Variants in DDX46 observed in about 807,000 individuals in gnomAD.
DDX46 encodes probable ATP-dependent RNA helicase DDX46.
DDX46 carries 30 observed loss-of-function variants against 134.9 expected under a neutral mutation model. The observed-to-expected ratio is 0.22, with a 90% CI of 0.17 to 0.30. The LOEUF (loss-of-function observed/expected upper bound fraction) is 0.30, where lower values mean the gene tolerates loss of function less well. Among genes scored for constraint, DDX46 ranks in the 10% least tolerant of loss-of-function variants. The pLI, the probability that DDX46 is intolerant of heterozygous loss-of-function variation, is 1.00. For missense variants in DDX46, 622 were observed against 1,248.7 expected (o/e 0.50, Z 7.56); for synonymous variants, 415 against 404.1 (o/e 1.03, Z -0.32).
At chr5:134,773,083 A>G (rs57912797) in intron 4 of DDX46, among the ~76,000 whole-genome samples, 2,423 of 152,024 alleles carry the variant, frequency 0.016, 81 homozygotes, top group African/African-American at 0.055. Context: ...TACAGGTGTA[A>G]GCCACCATGC....
intron 3 of DDX46, among the ~76,000 whole-genome samples, chr5:134,767,950 C>CAA (rs944000653): frequency 2.0e-4 from 23 of 114,902 alleles, no homozygotes; most frequent in African/African-American, 7.6e-4. Flanking sequence ...AACTCCTTCT[C>CAA]AAAAAAAAAA....
intron 6 of DDX46, 71 bp from the exon 7 acceptor site, chr5:134,781,062 T>G: frequency 9.5e-7 from 1 of 1,050,264 alleles, no homozygotes; most frequent in Non-Finnish European, 1.4e-6. Context: ...TGTCAGTTAC[T>G]GTGTGCTTCA....
chr5:134,773,376 T>C (rs1011770916), intron 4 of DDX46, among the ~76,000 whole-genome samples: 3 of 152,238 alleles, frequency 2.0e-5, no homozygotes, highest in Non-Finnish European at 2.9e-5. Context: ...TTACTTTAGT[T>C]TCTGTTGTTA....
chr5:134,817,432 G>A (rs1343456808), intron 19 of DDX46, 64 bp from the exon 20 acceptor site: 4 of 1,469,106 alleles, frequency 2.7e-6, no homozygotes, highest in Non-Finnish European at 3.7e-6. Context: ...AATAATTTGT[G>A]GTGTGGTCCC....
chr5:134,826,712 C>G, intron 21 of DDX46: 5 of 411,602 alleles, frequency 1.2e-5, no homozygotes, highest in Non-Finnish European at 2.2e-5. Flanking sequence ...ACTAGGAACT[C>G]TTAACACATA....
At chr5:134,812,840 A>G (rs538474897) in intron 18 of DDX46, among the ~76,000 whole-genome samples, 5 of 151,796 alleles carry the variant, frequency 3.3e-5, no homozygotes, top group Non-Finnish European at 5.9e-5. Context: ...GTTTCACCAT[A>G]TTGGCCAGGT....
chr5:134,763,749 A>G (rs1307359139), intron 1 of DDX46, among the ~76,000 whole-genome samples, 155 bp from the exon 2 acceptor site: 1 of 152,212 alleles, frequency 6.6e-6, no homozygotes, highest in East Asian at 1.9e-4. Context: ...CTGAAGCAGA[A>G]GGGTTCATTT....
chr5:134,829,930 A>AAATAAATAAATC lies in DDX46; in HGVS notation c.*1235_*1236insCAATAAATAAAT, dbSNP rs1487282839. On this transcript the variant is annotated 3_prime_UTR_variant, in exon 23 of 23. Coordinates refer to ENST00000452510, the MANE Select transcript of DDX46 (RefSeq NM_001300860.2). Reference sequence around the variant, plus strand: ...GGGCGACAGAGTGAGACTATCTCAAAAATAAATAAATAAATAAATAAATAG... The same window carrying AAATAAATAAATC: ...GGGCGACAGAGTGAGACTATCTCAAAAATAAATAAATCAATAAATAAATAAATAAATAAATAG... 1.6e-5 allele frequency: 1 copy of AAATAAATAAATC among 61,232 alleles called. No homozygotes were observed. The highest frequency in any genetic ancestry group is 1.3e-4 in the African/African-American group (1 of 7,640). 3.8% of individuals were successfully genotyped at this position (61,232 alleles called of 1,614,324 possible).
At chr5:134,777,359 A>C (rs1019032431) in intron 5 of DDX46, among the ~76,000 whole-genome samples, 4 of 152,176 alleles carry the variant, frequency 2.6e-5, no homozygotes, top group African/African-American at 9.7e-5. Flanking sequence ...ATTCATATTT[A>C]TTTTGTCATT....
intron 12 of DDX46, among the ~76,000 whole-genome samples, 190 bp downstream of exon 12, chr5:134,788,781 G>A (rs1754418537): frequency 6.6e-6 from 1 of 151,806 alleles, no homozygotes. Context: ...CCCGGGAGGC[G>A]GAGCTTGCAG....
intron 18 of DDX46, among the ~76,000 whole-genome samples, chr5:134,814,967 TG>T (rs1336950465): frequency 1.3e-5 from 2 of 151,830 alleles, no homozygotes; most frequent in African/African-American, 4.8e-5. Flanking sequence ...AATCTAAGGC[TG>T]GGTGTGGTGG....
chr5:134,826,730 C>T (rs1755602151), intron 21 of DDX46: 1 of 462,198 alleles, frequency 2.2e-6, no homozygotes, highest in East Asian at 3.5e-5. Context: ...ATAATATGAC[C>T]TCAGTGGTTA....
intron 3 of DDX46, among the ~76,000 whole-genome samples, chr5:134,768,783 G>C (rs896309321): frequency 1.3e-5 from 2 of 152,046 alleles, no homozygotes; most frequent in African/African-American, 4.8e-5. Flanking sequence ...TTAGAAGTCT[G>C]GGTGAAGTGG....
At chr5:134,793,672 T>C (rs1322629236) in intron 13 of DDX46, among the ~76,000 whole-genome samples, 4 of 152,204 alleles carry the variant, frequency 2.6e-5, no homozygotes, top group Non-Finnish European at 5.9e-5. Flanking sequence ...CCCAAAGTGC[T>C]GGGATTATAG....
chr5:134,773,901 T>C (rs755518178), intron 5 of DDX46, 40 bp downstream of exon 5: 1 of 1,495,390 alleles, frequency 6.7e-7, no homozygotes, highest in South Asian at 1.4e-5. Context: ...ACACCTCATG[T>C]AGAATATTAT....
At chr5:134,780,880 A>G (rs573554124) in intron 6 of DDX46, 2 of 228,122 alleles carry the variant, frequency 8.8e-6, no homozygotes, top group South Asian at 1.4e-4. Flanking sequence ...AACAAAAAAA[A>G]TTAACTGGGT....
chr5:134,782,536 G>T (rs111296627), intron 8 of DDX46, among the ~76,000 whole-genome samples: 12,902 of 151,530 alleles, frequency 0.085, 804 homozygotes, highest in East Asian at 0.23. Flanking sequence ...TTTGAGACAG[G>T]GTCTCACTCC....
At chr5:134,800,376 T>G (rs750653108) in intron 15 of DDX46, among the ~76,000 whole-genome samples, 1 of 152,228 alleles carries the variant, frequency 6.6e-6, no homozygotes, top group Non-Finnish European at 1.5e-5. Flanking sequence ...ATATGCCTTT[T>G]GAGATTGATC....
intron 1 of DDX46, among the ~76,000 whole-genome samples, chr5:134,762,767 A>G (rs1753431056): frequency 6.6e-6 from 1 of 151,654 alleles, no homozygotes. Flanking sequence ...AAAAATAATT[A>G]GCTGAGTGGC....
Sources: allele counts gnomAD v4.1 joint callset (sites outside exome capture counted in the v4.1 genomes callset), GRCh38; gene constraint gnomAD v4.1.1; transcripts MANE v1.5; gene names NCBI Gene and HGNC (gene_info 2026-07-23, HGNC 2026-07-21).